The following AIF1L variants were observed in gnomAD, a reference collection of about 807,000 sequenced individuals.
AIF1L encodes allograft inflammatory factor 1 like.
AIF1L carries 12 observed loss-of-function variants against 20.7 expected under a neutral mutation model. The ratio of observed to expected loss-of-function variants is 0.58; its 90% confidence interval spans 0.37 to 0.94. The LOEUF is 0.94. Ranked by LOEUF, AIF1L falls within the 40% of genes least tolerant of loss-of-function variation. The pLI is 0.01. For missense variants in AIF1L, 173 were observed against 185.3 expected, an observed-to-expected ratio of 0.93 and a Z score of 0.39; for synonymous variants, 76 against 65.1, an observed-to-expected ratio of 1.17 and a Z score of -0.81.
At chr9:131,114,282 T>G in intron 3 of AIF1L, 1 of 394,010 alleles carries the variant, frequency 2.5e-6, no homozygotes. Context: ...ATGCAGCTGG[T>G]CTGTGCTGCT....
At chr9:131,098,965 G>A (rs919982879) in intron 2 of AIF1L, among the ~76,000 whole-genome samples, 6 of 152,162 alleles carry the variant, frequency 3.9e-5, no homozygotes, top group African/African-American at 7.2e-5. Context: ...AGGATCACAC[G>A]GGAAGCTTGA....
chr9:131,098,718 A>G (rs1284634354), intron 2 of AIF1L, among the ~76,000 whole-genome samples: 2 of 152,198 alleles, frequency 1.3e-5, no homozygotes, highest in African/African-American at 4.8e-5. Context: ...TCAGGGGCTG[A>G]TCTGGGCAGC....
chr9:131,105,507 C>T (rs1382894201), intron 2 of AIF1L, among the ~76,000 whole-genome samples: 2 of 151,960 alleles, frequency 1.3e-5, no homozygotes, highest in African/African-American at 4.8e-5. Flanking sequence ...GCTGGGATTA[C>T]AGGTACGTGT....
At chr9:131,116,051 A>G (rs542944677) in intron 4 of AIF1L, among the ~76,000 whole-genome samples, 4 of 152,110 alleles carry the variant, frequency 2.6e-5, no homozygotes, top group South Asian at 4.2e-4. Context: ...ACACAGCAAG[A>G]CAAAAAGACA....
intron 2 of AIF1L, among the ~76,000 whole-genome samples, chr9:131,101,298 A>G (rs891545560): frequency 6.6e-6 from 1 of 152,152 alleles, no homozygotes; most frequent in African/African-American, 2.4e-5. Context: ...ACCCCAGCAG[A>G]CAGATGCACA....
At chr9:131,107,249 G>A (rs757721176) in intron 2 of AIF1L, among the ~76,000 whole-genome samples, 3 of 152,316 alleles carry the variant, frequency 2.0e-5, no homozygotes, top group Middle Eastern at 3.4e-3. Context: ...CACTGCTGCC[G>A]TTCATGCTGT....
intron 5 of AIF1L, among the ~76,000 whole-genome samples, chr9:131,119,809 C>T (rs545076226): frequency 3.5e-4 from 54 of 152,176 alleles, no homozygotes; most frequent in Non-Finnish European, 4.3e-4. Context: ...AGAGGTTATA[C>T]GCTGAGCCCC....
chr9:131,103,159 G>A (rs779874147), intron 2 of AIF1L, among the ~76,000 whole-genome samples: 1 of 152,220 alleles, frequency 6.6e-6, no homozygotes, highest in Non-Finnish European at 1.5e-5. Flanking sequence ...GGACTCTGGC[G>A]AGCATCAGAG....
chr9:131,106,444 G>A (rs932572095), intron 2 of AIF1L, among the ~76,000 whole-genome samples: 6 of 152,198 alleles, frequency 3.9e-5, no homozygotes, highest in Non-Finnish European at 7.3e-5. Context: ...GGATAAGGGC[G>A]ATTGGAAGTC....
chr9:131,109,396 T>A (rs1405752136), intron 2 of AIF1L, among the ~76,000 whole-genome samples: 1 of 151,892 alleles, frequency 6.6e-6, no homozygotes, highest in African/African-American at 2.4e-5. Context: ...CCGTCTCTAC[T>A]AAAAATACAA....
Position 131,121,537 on chromosome 9 carries a change from C to T in AIF1L, c.*1215C>T, listed in dbSNP as rs1831139056. The T allele has an allele frequency of 6.2e-6, 1 of 160,698 alleles. No individual in the cohort carries two copies. The highest frequency in any genetic ancestry group is 1.4e-5 in the Non-Finnish European group (1 of 73,384). The allele number at this position is 160,698 out of a possible 1,614,324, so 10.0% of individuals were successfully genotyped here. A position where few individuals can be genotyped will look rare whatever the true frequency, so the allele number is the denominator to read the frequency against. On this transcript the variant is annotated 3_prime_UTR_variant, in exon 6 of 6. Transcript: ENST00000247291. ...CATTTCACAGGTGAGGAGACTGGTG[C>T]CCCACAGGGATTAAGTGCCTTGCCC...
intron 3 of AIF1L, 168 bp from the exon 4 acceptor site, chr9:131,114,409 G>C (rs963518947): frequency 1.4e-6 from 1 of 694,752 alleles, no homozygotes; most frequent in South Asian, 1.6e-5. Context: ...TCTTTCCCCA[G>C]AGGCCATGGC....
intron 5 of AIF1L, among the ~76,000 whole-genome samples, chr9:131,119,215 A>G (rs554206965): frequency 1.3e-5 from 2 of 152,218 alleles, no homozygotes; most frequent in Admixed American, 1.3e-4. Context: ...TGAAAATAAC[A>G]CTCTGCCAGG....
rs569750733 is a variant in AIF1L, at chr9:131,114,196, C to G, written c.161-381C>G. ...TAAAAAGCACACCCATGCCTGCCCC[C>G]ACCCTGTCCTTCCACACCCATGAGC... On this transcript the variant is annotated intron_variant, in intron 3 of 5. Coordinates refer to ENST00000247291, the MANE Select transcript of AIF1L (RefSeq NM_031426.4). The G allele has an allele frequency of 4.2e-5, 10 of 235,560 alleles. No individual in the cohort carries two copies. In the East Asian group the frequency reaches 8.3e-4, roughly 20 times the overall value. The allele number at this position is 235,560 out of a possible 1,614,324, so 14.6% of individuals were successfully genotyped here.
At chr9:131,103,063 G>C (rs917388326) in intron 2 of AIF1L, 2 of 450,358 alleles carry the variant, frequency 4.4e-6, no homozygotes, top group Non-Finnish European at 9.0e-6. Flanking sequence ...GGCACGGCAG[G>C]GGCTGCCAGC....
At chr9:131,097,847 G>T (rs1358997757) in intron 2 of AIF1L, among the ~76,000 whole-genome samples, 1 of 152,240 alleles carries the variant, frequency 6.6e-6, no homozygotes, top group Non-Finnish European at 1.5e-5. Flanking sequence ...GCATGGCCCA[G>T]CACCCAGCAT....
chr9:131,096,677 C>A lies in AIF1L; in HGVS notation c.31+17C>A. The A allele has an allele frequency of 6.8e-7, 1 of 1,474,180 alleles. No homozygotes were observed. Among genetic ancestry groups the A allele is most frequent in the South Asian group, 1.3e-5 (1 of 76,634 alleles). 91.3% of individuals were successfully genotyped at this position (1,474,180 alleles called of 1,614,324 possible). On this transcript the variant is annotated intron_variant, in intron 1 of 5. Transcript: ENST00000247291. ...GGTTCCAAGGTAGGCGCCGCCGTCC[C>A]CGAGCAGCCACCTGTGCGCGCCGGG...
rs773805004 is a variant in AIF1L, at chr9:131,117,800, A to C, written c.247A>C (p.Lys83Gln). ...KRMMEKLGVPKTHLEMKKMIS... is the reference protein window; with the variant it reads ...KRMMEKLGVPQTHLEMKKMIS... Reference sequence around the variant, plus strand: ...GATGATGGAGAAGCTTGGTGTCCCCAAGACCCACCTGGAGATGAAGAAGAT... The same window carrying C: ...GATGATGGAGAAGCTTGGTGTCCCCCAGACCCACCTGGAGATGAAGAAGAT... The change falls in exon 5 of 6, where the codon AAG becomes CAG. Residue 83 changes from lysine to glutamine, a missense_variant. By Grantham distance (53) the Lys-to-Gln change is moderately conservative (BLOSUM62 1). Coordinates refer to ENST00000247291, the MANE Select transcript of AIF1L (RefSeq NM_031426.4). 5 of 1,614,074 alleles carry C rather than the reference A, an allele frequency of 3.1e-6. No individual in the cohort carries two copies. The highest frequency in any genetic ancestry group is 4.2e-6 in the Non-Finnish European group (5 of 1,179,986).
In AIF1L at chr9:131,119,975, C is replaced by T. The variant is rs72768558; in HGVS notation, c.366-260C>T. ...GTCAGAAGCCTGGAGTCGTACCCAGCCTCTGCCCTGGACCGCCTGTGTGGT... is the reference window on the plus strand; with the variant it reads ...GTCAGAAGCCTGGAGTCGTACCCAGTCTCTGCCCTGGACCGCCTGTGTGGT... On this transcript the variant is annotated intron_variant, in intron 5 of 5. Transcript: ENST00000247291. 8.0e-3 allele frequency among the ~76,000 whole-genome samples: 1,216 copies of T among 152,298 alleles called. 21 individuals are homozygous for T. The highest frequency in any genetic ancestry group is 0.01 in the Non-Finnish European group (692 of 68,026).
Sources: allele counts gnomAD v4.1 joint callset (sites outside exome capture counted in the v4.1 genomes callset), GRCh38; gene constraint gnomAD v4.1.1; transcripts MANE v1.5; gene names NCBI Gene and HGNC (gene_info 2026-07-23, HGNC 2026-07-21).